TARBP1: variants seen among roughly 807,000 people sequenced by gnomAD.
The protein encoded by TARBP1 is tRNA (guanosine(18)-2'-O)-methyltransferase TARBP1.
In TARBP1, 144 loss-of-function variants were observed where a neutral mutation model predicts 178.6. The observed-to-expected ratio is 0.81, with a 90% confidence interval of 0.70 to 0.93. The LOEUF (loss-of-function observed/expected upper bound fraction) is 0.93. Ranked by LOEUF, TARBP1 falls within the 40% of genes least tolerant of loss-of-function variation. The pLI is 0.00. For missense variants in TARBP1, 2,067 were observed against 2,011.7 expected (o/e 1.03, Z -0.53); for synonymous variants, 787 against 781.0 (o/e 1.01, Z -0.13).
intron 20 of TARBP1, 123 bp from the exon 21 acceptor site, chr1:234,420,935 C>G (rs1192249571): frequency 3.9e-6 from 2 of 506,812 alleles, no homozygotes; most frequent in Non-Finnish European, 7.0e-6. Flanking sequence ...TTTCTTCCCC[C>G]AAAAAGCAGT....
chr1:234,402,567 T>C (rs529179690), intron 24 of TARBP1, among the ~76,000 whole-genome samples: 3 of 151,866 alleles, frequency 2.0e-5, no homozygotes, highest in Admixed American at 6.5e-5. Flanking sequence ...TATCCACATT[T>C]GGACTTTGTT....
At chr1:234,478,069 G>A in intron 1 of TARBP1, 104 bp downstream of exon 1, 4 of 1,145,392 alleles carry the variant, frequency 3.5e-6, no homozygotes, top group Non-Finnish European at 5.0e-6. Flanking sequence ...ATTCTGCATG[G>A]ATCGGAGTGA....
chr1:234,462,832 T>C (rs912115483), intron 6 of TARBP1, among the ~76,000 whole-genome samples: 2 of 152,236 alleles, frequency 1.3e-5, no homozygotes, highest in Admixed American at 1.3e-4. Flanking sequence ...TTTCCCTTTT[T>C]TCTGACGTTT....
chr1:234,478,465 C>T lies in TARBP1; in HGVS notation c.639G>A (p.Gly213=). ...GGAALRAVWG[G]LAAPGASLGS... ...CCAGGGACGCCCCAGGCGCGGCCAG[C>T]CCGCCCCACACGGCCCGCAGCGCCG... is the stretch of plus-strand genomic sequence containing the variant. Residue 213 remains glycine (G), a synonymous_variant, in exon 1 of 30, where the codon GGG becomes GGA. Transcript: ENST00000040877. The T allele has an allele frequency of 1.4e-6, 2 of 1,383,498 alleles. No individual in the cohort carries two copies. The highest frequency in any genetic ancestry group is 9.4e-7 in the Non-Finnish European group (1 of 1,065,348). 85.7% of individuals were successfully genotyped at this position (1,383,498 alleles called of 1,614,324 possible).
At chr1:234,426,130 C>T (rs929901245) in intron 19 of TARBP1, among the ~76,000 whole-genome samples, 1 of 152,144 alleles carries the variant, frequency 6.6e-6, no homozygotes, top group African/African-American at 2.4e-5. Flanking sequence ...TGAAAGAGGA[C>T]CACAGATACC....
chr1:234,440,900 C>A (rs1558212035), intron 12 of TARBP1, among the ~76,000 whole-genome samples: 1 of 152,138 alleles, frequency 6.6e-6, no homozygotes, highest in African/African-American at 2.4e-5. Context: ...AATGCAGAGA[C>A]AGGCCAGGCG....
At chr1:234,404,865 A>G (rs1237729354) in intron 24 of TARBP1, among the ~76,000 whole-genome samples, 2 of 152,138 alleles carry the variant, frequency 1.3e-5, no homozygotes. Context: ...TCTTTCTCCC[A>G]AGCCCCTAAA....
At chr1:234,437,414 T>C in intron 12 of TARBP1, 42 bp from the exon 13 acceptor site, 1 of 1,051,652 alleles carries the variant, frequency 9.5e-7, no homozygotes, top group Admixed American at 2.3e-5. Flanking sequence ...TGACAGCAGT[T>C]CTTTGGTACA....
chr1:234,431,034 T>C (rs371692745), intron 14 of TARBP1, among the ~76,000 whole-genome samples: 3 of 152,220 alleles, frequency 2.0e-5, no homozygotes, highest in Non-Finnish European at 2.9e-5. Context: ...ACCTGGTCTA[T>C]ACTTAAAGAG....
At chr1:234,450,314 AT>A (rs1666619645) in intron 10 of TARBP1, 113 bp downstream of exon 10, 1 of 737,666 alleles carries the variant, frequency 1.4e-6, no homozygotes, top group African/African-American at 1.8e-5. Flanking sequence ...CAAGTTTGGC[AT>A]CAATAAATCA....
rs754120356 is a variant in TARBP1, at chr1:234,478,173, C to T, written c.931G>A (p.Gly311Ser). 8.1e-6 allele frequency: 13 copies of T among 1,611,442 alleles called. No individual in the cohort carries two copies. The highest frequency in any genetic ancestry group is 1.3e-5 in the African/African-American group (1 of 74,878). ...GGCTGGGGGGCAAAGAGGCAGGTAC[C>T]GTTTCCTTCCTGGGGCCCGCAGGTG... ...DCTCGPQEGN[G>S]PSLFWWSERK... The change falls in exon 1 of 30, where the codon GGC becomes AGC. Residue 311 changes from glycine (G) to serine (S), a missense_variant and splice_region_variant. By Grantham distance (56) the Gly-to-Ser change is moderately conservative (BLOSUM62 0). Transcript: ENST00000040877.
chr1:234,432,724 T>C (rs1270622128), intron 14 of TARBP1, among the ~76,000 whole-genome samples: 1 of 148,872 alleles, frequency 6.7e-6, no homozygotes, highest in African/African-American at 2.5e-5. Context: ...TGCTTGTGAT[T>C]TGTAAAACTC....
chr1:234,404,356 T>C (rs1661003774), intron 24 of TARBP1, among the ~76,000 whole-genome samples: 1 of 152,210 alleles, frequency 6.6e-6, no homozygotes, highest in South Asian at 2.1e-4. Flanking sequence ...AAACAGCACG[T>C]AAGTTCATTA....
In TARBP1 at chr1:234,418,157, A is replaced by G. The variant is rs1281654063; in HGVS notation, c.3632T>C (p.Ile1211Thr). 6.5e-7 allele frequency: 1 copy of G among 1,545,606 alleles called. No homozygotes were observed. Among genetic ancestry groups the G allele is most frequent in the Non-Finnish European group, 8.7e-7 (1 of 1,152,952 alleles). The stretch of plus-strand genomic sequence containing the variant: ...AAGAATCAATATAATAATCCATTCT[A>G]TAAAATATTTTATGGATGCTTGATT... ...TNNQASIKYF[I>T]EWIIILILHK... Residue 1211 changes from isoleucine (I) to threonine (T), a missense_variant, in exon 22 of 30, where the codon ATA (isoleucine) becomes ACA (threonine). Transcript: ENST00000040877.
At chr1:234,452,450 G>A (rs1256227422) in intron 9 of TARBP1, among the ~76,000 whole-genome samples, 2 of 152,148 alleles carry the variant, frequency 1.3e-5, no homozygotes. Flanking sequence ...CATACAGATG[G>A]TAAATAGCAT....
At chr1:234,440,418 A>G (rs1665467655) in intron 12 of TARBP1, among the ~76,000 whole-genome samples, 1 of 152,148 alleles carries the variant, frequency 6.6e-6, no homozygotes. Flanking sequence ...TTCTTTGAAA[A>G]GGTCAATAAA....
At chr1:234,420,606 T>G in intron 21 of TARBP1, 96 bp downstream of exon 21, 1 of 679,860 alleles carries the variant, frequency 1.5e-6, no homozygotes. Flanking sequence ...AACATTATCT[T>G]TTTCAATTTT....
In TARBP1 at chr1:234,468,081, T is replaced by C. The variant is rs548460133; in HGVS notation, c.1100-431A>G. 1.9e-4 allele frequency among the ~76,000 whole-genome samples: 29 copies of C among 152,254 alleles called. 1 individual carries two copies. Among genetic ancestry groups the C allele is most frequent in the South Asian group, 1.7e-3 (8 of 4,828 alleles). On this transcript the variant is annotated intron_variant, in intron 3 of 29. Transcript: ENST00000040877. ...GGTATGAGCCACCGCACCCAGACTG[T>C]TTTTAGTCACATCTGAGTATGTCAA...
At chr1:234,392,361 T>TC in intron 29 of TARBP1, 55 bp downstream of exon 29, 1 of 1,577,788 alleles carries the variant, frequency 6.3e-7, no homozygotes. Flanking sequence ...CAAGGTAACA[T>TC]CTTCCAGTAG....
Sources: gnomAD v4.1 joint callset for allele counts (sites outside exome capture counted in the v4.1 genomes callset) on GRCh38, gnomAD v4.1.1 for gene constraint, MANE v1.5 for transcripts, NCBI Gene and HGNC (gene_info 2026-07-23, HGNC 2026-07-21) for gene names.